RSF1: variants seen among roughly 807,000 people sequenced by gnomAD.
RSF1 encodes remodeling and spacing factor 1.
In RSF1, 13 loss-of-function variants were observed where a neutral mutation model predicts 145.2. The observed-to-expected ratio is 0.09, with a 90% CI of 0.06 to 0.14. The LOEUF is 0.14. Among genes scored for constraint, RSF1 ranks in the 10% least tolerant of loss-of-function variants. The pLI, the probability that RSF1 is intolerant of heterozygous loss-of-function variation, is 1.00. For synonymous variants in RSF1, 577 were observed against 592.6 expected, an observed-to-expected ratio of 0.97 and a Z score of 0.38; for missense variants, 1,517 against 1,718.2, an observed-to-expected ratio of 0.88 and a Z score of 2.07.
At chr11:77,724,620 G>A (rs1324149939) in intron 5 of RSF1, among the ~76,000 whole-genome samples, 3 of 152,118 alleles carry the variant, frequency 2.0e-5, no homozygotes, top group African/African-American at 7.2e-5. Context: ...AAACAGTTTC[G>A]TGGAAGACAA....
At chr11:77,726,423 C>T (rs1052840235) in intron 4 of RSF1, among the ~76,000 whole-genome samples, 1 of 152,156 alleles carries the variant, frequency 6.6e-6, no homozygotes, top group Non-Finnish European at 1.5e-5. Context: ...ACCTCAGCCT[C>T]CCAAGTAGCT....
intron 1 of RSF1, among the ~76,000 whole-genome samples, chr11:77,795,102 C>CA (rs112866574): frequency 7.2e-4 from 108 of 149,974 alleles, no homozygotes; most frequent in South Asian, 1.5e-3. Flanking sequence ...GCAATAACTA[C>CA]AAAAAAAAAT....
rs997236550 is a variant in RSF1, at chr11:77,819,611, G to A, written c.187+917C>T. Among the ~76,000 whole-genome samples the A allele has an allele frequency of 4.6e-5, 7 of 152,290 alleles. No individual in the cohort carries two copies. The East Asian group carries it at 1.2e-3, about 25-fold the overall frequency. On this transcript the variant is annotated intron_variant, in intron 1 of 15. Coordinates refer to ENST00000308488, the MANE Select transcript of RSF1 (RefSeq NM_016578.4). Reference sequence around the variant, plus strand: ...TGAGCAACAAGCACCTTCTTCAACTGTTTCCCCCTCCGTCAGAGCCCCTCC... The same window carrying A: ...TGAGCAACAAGCACCTTCTTCAACTATTTCCCCCTCCGTCAGAGCCCCTCC...
At chr11:77,696,298 A>G (rs746152469) in intron 7 of RSF1, among the ~76,000 whole-genome samples, 2 of 152,228 alleles carry the variant, frequency 1.3e-5, no homozygotes, top group Non-Finnish European at 2.9e-5. Context: ...GTGATAATCC[A>G]TTTATTTTGA....
intron 2 of RSF1, among the ~76,000 whole-genome samples, chr11:77,756,358 C>CAAAAAAAAAAAAAAAAAAA (rs936128985): frequency 1.8e-5 from 1 of 54,294 alleles, no homozygotes; most frequent in Non-Finnish European, 4.0e-5. Context: ...AACTCTGTCT[C>CAAAAAAAAAAAAAAAAAAA]AAAAAAAAAA....
At chr11:77,858,269 A>C in the RSF1 span, among the ~76,000 whole-genome samples, 1 of 138,404 alleles carries the variant, frequency 7.2e-6, no homozygotes, top group Non-Finnish European at 1.5e-5. Flanking sequence ...ATCTCGGCTC[A>C]CTACAACCTC....
chr11:77,787,516 A>C (rs1590887011), intron 1 of RSF1, among the ~76,000 whole-genome samples: 1 of 152,206 alleles, frequency 6.6e-6, no homozygotes, highest in Non-Finnish European at 1.5e-5. Flanking sequence ...AGTAGAAGAG[A>C]GAGATAGCTG....
chr11:77,764,380 G>C, intron 2 of RSF1: 1 of 472,548 alleles, frequency 2.1e-6, no homozygotes, highest in Non-Finnish European at 3.7e-6. Context: ...AGGCACAAAA[G>C]AGATATAACA....
chr11:77,826,483 A>T, the RSF1 span, among the ~76,000 whole-genome samples: 1 of 152,220 alleles, frequency 6.6e-6, no homozygotes, highest in Admixed American at 6.5e-5. Context: ...GCAGTTTGAC[A>T]TCCTATACAG....
chr11:77,780,608 T>C (rs1948392532), intron 1 of RSF1, among the ~76,000 whole-genome samples: 2 of 152,122 alleles, frequency 1.3e-5, no homozygotes, highest in Non-Finnish European at 2.9e-5. Context: ...GGCGAATCAC[T>C]GGAGGTCAGG....
intron 2 of RSF1, among the ~76,000 whole-genome samples, chr11:77,751,575 AGGGCCTC>A (rs1241343656): frequency 1.3e-5 from 2 of 152,236 alleles, no homozygotes; most frequent in Non-Finnish European, 2.9e-5. Context: ...ACCAACAGAC[AGGGCCTC>A]GGTCTACCAG....
chr11:77,822,414 CAAAAAAA>C (rs66463325), upstream of RSF1, among the ~76,000 whole-genome samples: 5 of 74,784 alleles, frequency 6.7e-5, no homozygotes, highest in South Asian at 1.7e-3. Flanking sequence ...GACTCCACCT[CAAAAAAA>C]AAAAAAAAAA....
At chr11:77,789,543 G>A (rs1021306839) in intron 1 of RSF1, among the ~76,000 whole-genome samples, 6 of 152,148 alleles carry the variant, frequency 3.9e-5, no homozygotes, top group East Asian at 3.9e-4. Context: ...CAGCTGAGGC[G>A]CGAGCACCCC....
intron 5 of RSF1, among the ~76,000 whole-genome samples, chr11:77,719,987 T>C (rs1032197342): frequency 6.6e-6 from 1 of 152,076 alleles, no homozygotes; most frequent in African/African-American, 2.4e-5. Context: ...TAGGGAGAAA[T>C]GGCAAGTAAC....
intron 5 of RSF1, among the ~76,000 whole-genome samples, chr11:77,706,207 C>T (rs532141476): frequency 6.8e-6 from 1 of 147,602 alleles, no homozygotes; most frequent in South Asian, 2.2e-4. Context: ...CCCCACTGCA[C>T]TCCAGCCTGG....
rs752197350 is a variant in RSF1 at position 77,701,683 on chromosome 11, A to C, written c.1546T>G (p.Ser516Ala). 3 of 1,613,986 alleles carry C rather than the reference A, an allele frequency of 1.9e-6. No individual in the cohort carries two copies. The Admixed American group carries it at 5.0e-5, about 27-fold the overall frequency. The change falls in exon 6 of 16, where the codon TCA becomes GCA. Residue 516 changes from serine to alanine, a missense_variant. Transcript: ENST00000308488. ...TAPLRKDADS[S>A]ISVLEIHSQK... ...CTATGGATCTCTAAGACTGATATTG[A>C]ACTATCTGCATCTTTCCTCAAAGGG...
upstream of RSF1, chr11:77,821,181 G>C: frequency 8.3e-6 from 3 of 359,518 alleles, no homozygotes; most frequent in Non-Finnish European, 1.0e-5. Flanking sequence ...CGCTGGGAGC[G>C]TAAGTGCGGG....
intron 2 of RSF1, among the ~76,000 whole-genome samples, chr11:77,754,145 C>A (rs1948092648): frequency 6.6e-6 from 1 of 152,044 alleles, no homozygotes; most frequent in African/African-American, 2.4e-5. Context: ...GGTAGTTCTA[C>A]CATCATGATG....
intron 1 of RSF1, among the ~76,000 whole-genome samples, chr11:77,810,378 T>G (rs1948718598): frequency 6.6e-6 from 1 of 152,218 alleles, no homozygotes; most frequent in Non-Finnish European, 1.5e-5. Flanking sequence ...TTTAGTTCAA[T>G]ATAATGTCAT....
Sources: allele counts gnomAD v4.1 joint callset (sites outside exome capture counted in the v4.1 genomes callset), GRCh38; gene constraint gnomAD v4.1.1; transcripts MANE v1.5; gene names NCBI Gene and HGNC (gene_info 2026-07-23, HGNC 2026-07-21).